Variants in GALNT13 observed in about 807,000 individuals in gnomAD.
GALNT13 encodes UDP-GalNAc:polypeptide N-acetylgalactosaminyltransferase 13.
In GALNT13, 28 loss-of-function variants were observed where a neutral mutation model predicts 64.2. The ratio of observed to expected loss-of-function variants is 0.44; its 90% CI spans 0.32 to 0.60. GALNT13 has a LOEUF of 0.60. Among genes scored for constraint, GALNT13 ranks in the 20% least tolerant of loss-of-function variants. The pLI is 0.05. For missense variants in GALNT13, 577 were observed against 669.8 expected (o/e 0.86, Z 1.53); for synonymous variants, 214 against 224.6 (o/e 0.95, Z 0.42).
chr2:153,473,046 C>T, the GALNT13 span, among the ~76,000 whole-genome samples: 1 of 151,614 alleles, frequency 6.6e-6, no homozygotes, highest in African/African-American at 2.4e-5. Context: ...GGGTGGGGGG[C>T]TAGGGGAGGG....
At chr2:153,094,227 T>G in the GALNT13 span, among the ~76,000 whole-genome samples, 1 of 152,130 alleles carries the variant, frequency 6.6e-6, no homozygotes, top group African/African-American at 2.4e-5. Context: ...GATGCATTGT[T>G]GGATTATTTA....
At chr2:153,436,791 G>C in the GALNT13 span, among the ~76,000 whole-genome samples, 2 of 152,096 alleles carry the variant, frequency 1.3e-5, no homozygotes, top group Admixed American at 6.5e-5. Flanking sequence ...TGGATTCACT[G>C]ATTTTTTGAA....
chr2:153,455,612 T>G, the GALNT13 span, among the ~76,000 whole-genome samples: 1 of 152,002 alleles, frequency 6.6e-6, no homozygotes, highest in Non-Finnish European at 1.5e-5. Context: ...TCCGTGCAGG[T>G]CCGCAGCAGT....
At chr2:153,588,327 C>G in the GALNT13 span, among the ~76,000 whole-genome samples, 2 of 152,228 alleles carry the variant, frequency 1.3e-5, no homozygotes, top group Non-Finnish European at 2.9e-5. Flanking sequence ...CTGCACTGCC[C>G]TAGCAGAGGT....
the GALNT13 span, among the ~76,000 whole-genome samples, chr2:153,749,937 C>G: frequency 6.6e-6 from 1 of 151,526 alleles, no homozygotes; most frequent in Admixed American, 6.6e-5. Flanking sequence ...CAGTTTTTCC[C>G]CATTTAGTAT....
At chr2:154,259,648 G>A (rs1352187012) in intron 8 of GALNT13, among the ~76,000 whole-genome samples, 1 of 152,074 alleles carries the variant, frequency 6.6e-6, no homozygotes, top group African/African-American at 2.4e-5. Context: ...TTAATAAATG[G>A]CCTTCCATGT....
the GALNT13 span, among the ~76,000 whole-genome samples, chr2:153,209,292 T>C: frequency 6.6e-6 from 1 of 152,280 alleles, no homozygotes; most frequent in Admixed American, 6.5e-5. Flanking sequence ...GTTTTGTCTT[T>C]TTTTCCTCGC....
At chr2:153,138,589 C>T in the GALNT13 span, among the ~76,000 whole-genome samples, 1 of 151,996 alleles carries the variant, frequency 6.6e-6, no homozygotes, top group East Asian at 1.9e-4. Flanking sequence ...TAGAAGAAAA[C>T]ACCAAAAGCA....
chr2:153,277,286 A>G, the GALNT13 span, among the ~76,000 whole-genome samples: 2 of 152,194 alleles, frequency 1.3e-5, no homozygotes, highest in African/African-American at 4.8e-5. Flanking sequence ...GTTTCCACTT[A>G]TAAATGAGAA....
At chr2:153,263,592 T>C in the GALNT13 span, among the ~76,000 whole-genome samples, 6 of 151,984 alleles carry the variant, frequency 3.9e-5, no homozygotes, top group Non-Finnish European at 8.8e-5. Flanking sequence ...CTGGTACACA[T>C]ACAGACACAT....
the GALNT13 span, among the ~76,000 whole-genome samples, chr2:153,792,429 C>T: frequency 6.6e-6 from 1 of 152,074 alleles, no homozygotes; most frequent in South Asian, 2.1e-4. Flanking sequence ...GCAAATACTA[C>T]ATGATTTTAC....
At chr2:154,304,046 G>A (rs1262810955) in intron 9 of GALNT13, among the ~76,000 whole-genome samples, 14 of 152,024 alleles carry the variant, frequency 9.2e-5, no homozygotes, top group African/African-American at 1.7e-4. Context: ...GATCCACCGC[G>A]CCCGCAAAAA....
At chr2:154,127,433 A>G (rs1682347633) in intron 3 of GALNT13, among the ~76,000 whole-genome samples, 1 of 152,124 alleles carries the variant, frequency 6.6e-6, no homozygotes, top group Non-Finnish European at 1.5e-5. Context: ...ACATTATTGC[A>G]GAATCTTCAG....
At chr2:153,419,275 G>A in the GALNT13 span, among the ~76,000 whole-genome samples, 4 of 152,188 alleles carry the variant, frequency 2.6e-5, no homozygotes, top group Middle Eastern at 3.2e-3. Flanking sequence ...TCAGTATCAT[G>A]AGAACAGATG....
intron 9 of GALNT13, among the ~76,000 whole-genome samples, chr2:154,344,966 T>C (rs1370204521): frequency 6.6e-6 from 1 of 151,866 alleles, no homozygotes; most frequent in Non-Finnish European, 1.5e-5. Flanking sequence ...GGGTCAAAAA[T>C]ATAAGAAACT....
chr2:154,146,186 A>G (rs1428400061), intron 4 of GALNT13, among the ~76,000 whole-genome samples: 22 of 151,724 alleles, frequency 1.5e-4, no homozygotes, highest in Admixed American at 1.4e-3. Flanking sequence ...ACACACACAT[A>G]TATACATACA....
At chr2:153,382,231 G>T in the GALNT13 span, among the ~76,000 whole-genome samples, 189 of 151,874 alleles carry the variant, frequency 1.2e-3, no homozygotes, top group Non-Finnish European at 2.0e-3. Context: ...TTTCATTTTA[G>T]ATGCAGGGGG....
At chr2:154,391,045 T>A (rs1177577194) in intron 9 of GALNT13, among the ~76,000 whole-genome samples, 1 of 152,214 alleles carries the variant, frequency 6.6e-6, no homozygotes, top group Non-Finnish European at 1.5e-5. Flanking sequence ...CTGCTGTCTA[T>A]CTTTAGATAG....
At chr2:154,290,407 T>A (rs1692536053) in intron 8 of GALNT13, among the ~76,000 whole-genome samples, 1 of 152,238 alleles carries the variant, frequency 6.6e-6, no homozygotes, top group South Asian at 2.1e-4. Flanking sequence ...GCCGAACTTT[T>A]ACATCTCTCT....
Sources: allele counts gnomAD v4.1 joint callset (sites outside exome capture counted in the v4.1 genomes callset), GRCh38; gene constraint gnomAD v4.1.1; transcripts MANE v1.5; gene names NCBI Gene and HGNC (gene_info 2026-07-23, HGNC 2026-07-21).